Variants in PTPRR observed in about 807,000 individuals in gnomAD.
PTPRR encodes protein tyrosine phosphatase receptor type R.
A neutral mutation model predicts 77.2 loss-of-function variants in PTPRR; 38 were observed. The ratio of observed to expected loss-of-function variants is 0.49; its 90% CI spans 0.38 to 0.65. PTPRR has a LOEUF of 0.65. Ranked by LOEUF, PTPRR falls within the 30% of genes least tolerant of loss-of-function variation. PTPRR has a pLI of 0.00. For missense variants in PTPRR, 744 were observed against 799.2 expected, an observed-to-expected ratio of 0.93 and a Z score of 0.83; for synonymous variants, 299 against 283.1, an observed-to-expected ratio of 1.06 and a Z score of -0.57.
At chr12:70,740,233 G>A (rs1890002883) in intron 6 of PTPRR, among the ~76,000 whole-genome samples, 1 of 152,120 alleles carries the variant, frequency 6.6e-6, no homozygotes, top group Non-Finnish European at 1.5e-5. Context: ...ATTTAATCAT[G>A]AAGTAATGAG....
chr12:70,912,471 T>C (rs1189443720), intron 1 of PTPRR, among the ~76,000 whole-genome samples: 1 of 152,066 alleles, frequency 6.6e-6, no homozygotes, highest in Non-Finnish European at 1.5e-5. Context: ...GCTTTAGATC[T>C]GAAAAAAAGG....
chr12:70,822,650 CCAGG>C (rs571646657), intron 2 of PTPRR, among the ~76,000 whole-genome samples: 179 of 152,238 alleles, frequency 1.2e-3, no homozygotes, highest in African/African-American at 4.2e-3. Context: ...CTCCCACCTT[CCAGG>C]CAGGATTTGA....
At chr12:70,754,045 T>C in intron 5 of PTPRR, 146 bp downstream of exon 5, 3 of 785,488 alleles carry the variant, frequency 3.8e-6, no homozygotes, top group Non-Finnish European at 5.9e-6. Flanking sequence ...CGCTCTGATG[T>C]CAGATATGAA....
chr12:70,843,963 C>T lies in PTPRR; in HGVS notation c.357+48716G>A, dbSNP rs537647408. Among the ~76,000 whole-genome samples, 9 of 151,812 alleles carry T rather than the reference C, an allele frequency of 5.9e-5. No homozygotes were observed. In the East Asian group the frequency reaches 1.8e-3, roughly 30 times the overall value. On this transcript the variant is annotated intron_variant, in intron 2 of 13. Transcript: ENST00000283228. ...CCCGAGTAGCTGGGTTTACAGGTGT[C>T]TGCCACCACGCCCAGCTAATTTTTG...
chr12:70,717,322 G>A (rs1889069831), intron 6 of PTPRR, among the ~76,000 whole-genome samples: 2 of 152,112 alleles, frequency 1.3e-5, no homozygotes, highest in African/African-American at 2.4e-5. Context: ...TAAAGAGAGA[G>A]TGTTAGGTGA....
intron 2 of PTPRR, among the ~76,000 whole-genome samples, chr12:70,801,468 T>G (rs1320734822): frequency 6.6e-6 from 1 of 152,226 alleles, no homozygotes; most frequent in Non-Finnish European, 1.5e-5. Context: ...CTCCCCCAAG[T>G]AAGAAATAAT....
At chr12:70,698,508 A>G (rs1037134790) in intron 7 of PTPRR, among the ~76,000 whole-genome samples, 159 bp from the exon 8 acceptor site, 51 of 152,138 alleles carry the variant, frequency 3.4e-4, no homozygotes, top group African/African-American at 1.2e-3. Context: ...TTTCCTAAAC[A>G]TATCAGCTGC....
chr12:70,692,022 T>C (rs574257181), intron 8 of PTPRR, among the ~76,000 whole-genome samples: 94 of 152,328 alleles, frequency 6.2e-4, no homozygotes, highest in African/African-American at 2.2e-3. Flanking sequence ...TATAGAATTA[T>C]ACTATATGAC....
At position 70,891,837 on chromosome 12, in the gene PTPRR, C is replaced by A. The variant is rs938622205; in HGVS notation, c.357+842G>T. ...GGTGCATAGAGGAGTTGCCAAAATG[C>A]AAACATGGTTTCATTGAATTATCTT... On this transcript the variant is annotated intron_variant, in intron 2 of 13. Coordinates refer to ENST00000283228, the MANE Select transcript of PTPRR (RefSeq NM_002849.4). Among the ~76,000 whole-genome samples the A allele has an allele frequency of 8.3e-4, 126 of 152,158 alleles. 2 individuals are homozygous for A. The highest frequency in any genetic ancestry group is 1.2e-4 in the Non-Finnish European group (8 of 67,952).
At chr12:70,843,271 T>C (rs1892427464) in intron 2 of PTPRR, among the ~76,000 whole-genome samples, 1 of 152,246 alleles carries the variant, frequency 6.6e-6, no homozygotes, top group Non-Finnish European at 1.5e-5. Flanking sequence ...TCTCTGGTTA[T>C]GGTTCCTCTT....
At chr12:70,825,403 A>G (rs1374334965) in intron 2 of PTPRR, among the ~76,000 whole-genome samples, 6 of 152,222 alleles carry the variant, frequency 3.9e-5, no homozygotes, top group Non-Finnish European at 8.8e-5. Context: ...GTGCCCACTC[A>G]CAATCACTAC....
At chr12:70,729,316 GTATC>G (rs367616120) in intron 6 of PTPRR, among the ~76,000 whole-genome samples, 11,027 of 147,190 alleles carry the variant, frequency 0.075, 525 homozygotes, top group Non-Finnish European at 0.1. Context: ...TGATCTATTT[GTATC>G]TATCTGTCTA....
chr12:70,901,164 A>G (rs1394301659), intron 1 of PTPRR, among the ~76,000 whole-genome samples: 3 of 151,436 alleles, frequency 2.0e-5, no homozygotes, highest in African/African-American at 7.3e-5. Context: ...GGGATCCTCA[A>G]CCTGTACAGT....
intron 1 of PTPRR, among the ~76,000 whole-genome samples, chr12:70,909,117 C>T (rs563009686): frequency 6.6e-6 from 1 of 152,288 alleles, no homozygotes; most frequent in African/African-American, 2.4e-5. Context: ...GCAGTGACAG[C>T]TGATGCTGCA....
At chr12:70,746,344 AG>A (rs1166033578) in intron 5 of PTPRR, among the ~76,000 whole-genome samples, 2 of 152,316 alleles carry the variant, frequency 1.3e-5, no homozygotes, top group East Asian at 3.9e-4. Flanking sequence ...TATATTCAAA[AG>A]TAAATTTAAC....
chr12:70,899,166 C>G (rs946224379), intron 1 of PTPRR, among the ~76,000 whole-genome samples: 2 of 151,224 alleles, frequency 1.3e-5, no homozygotes, highest in Non-Finnish European at 3.0e-5. Flanking sequence ...AACATCAAAT[C>G]TATATAATTT....
intron 2 of PTPRR, among the ~76,000 whole-genome samples, chr12:70,813,853 C>T (rs942256433): frequency 5.3e-5 from 8 of 152,118 alleles, no homozygotes; most frequent in African/African-American, 1.9e-4. Context: ...ACAGGGTTTT[C>T]CTGGAGTTTT....
At chr12:70,679,141 G>A (rs1343948690) in intron 10 of PTPRR, among the ~76,000 whole-genome samples, 4 of 152,112 alleles carry the variant, frequency 2.6e-5, no homozygotes, top group Admixed American at 1.3e-4. Flanking sequence ...TTGTCTCAAG[G>A]AATTTTTAAG....
At position 70,738,701 on chromosome 12, in the gene PTPRR, G is replaced by A. The variant is rs1196788671; in HGVS notation, c.1007+7117C>T. On this transcript the variant is annotated intron_variant, in intron 6 of 13. Coordinates refer to ENST00000283228, the MANE Select transcript of PTPRR (RefSeq NM_002849.4). The stretch of plus-strand genomic sequence containing the variant: ...TTAATGGGAATTTGGAACTCAGCAT[G>A]TATACAATTTCCCTTAGAGTGATCA... Among the ~76,000 whole-genome samples the A allele has an allele frequency of 2.0e-5, 3 of 152,206 alleles. No individual in the cohort carries two copies. In the South Asian group the frequency reaches 6.2e-4, roughly 32 times the overall value.
Sources: allele counts gnomAD v4.1 joint callset (sites outside exome capture counted in the v4.1 genomes callset), GRCh38; gene constraint gnomAD v4.1.1; transcripts MANE v1.5; gene names NCBI Gene and HGNC (gene_info 2026-07-23, HGNC 2026-07-21).